The following CYTH4 variants were observed in gnomAD, a reference collection of about 807,000 sequenced individuals.
The protein encoded by CYTH4 is cytohesin 4.
A neutral mutation model predicts 57.5 loss-of-function variants in CYTH4; 22 were observed. That is an observed-to-expected ratio of 0.38 (90% CI 0.27 to 0.55). The LOEUF is 0.55. Ranked by LOEUF, CYTH4 falls within the 20% of genes least tolerant of loss-of-function variation. The pLI is 0.74. For synonymous variants in CYTH4, 186 were observed against 206.5 expected (o/e 0.90, Z 0.85); for missense variants, 420 against 535.6 (o/e 0.78, Z 2.13).
rs1929734461 is a variant in CYTH4 at position 37,313,647 on chromosome 22, C to G, written c.*136C>G. On this transcript the variant is annotated 3_prime_UTR_variant, in exon 13 of 13. Transcript: ENST00000248901. ...GCTGTTCCCCGTTACCTCGAGCTGACTCTAGAGGGGAAGGCAGAGCTCAGG... is the reference window on the plus strand; with the variant it reads ...GCTGTTCCCCGTTACCTCGAGCTGAGTCTAGAGGGGAAGGCAGAGCTCAGG... 2 of 803,942 alleles carry G rather than the reference C, an allele frequency of 2.5e-6. No homozygotes were observed. The highest frequency in any genetic ancestry group is 4.4e-5 in the Admixed American group (2 of 45,220). The allele number at this position is 803,942 out of a possible 1,614,324, so 49.8% of individuals were successfully genotyped here.
At position 37,293,716 on chromosome 22, in the gene CYTH4, G is replaced by A. The variant is rs183706115; in HGVS notation, c.103-944G>A. On this transcript the variant is annotated intron_variant, in intron 2 of 12. Transcript: ENST00000248901. ...GGGCTGGGTGCCTAATGGGGGTGCC[G>A]GCCAGAGGCTCATGCTGGTGTCCTT... Among the ~76,000 whole-genome samples, 15 of 152,218 alleles carry A rather than the reference G, an allele frequency of 9.9e-5. 1 individual carries two copies. Among genetic ancestry groups the A allele is most frequent in the Admixed American group, 7.8e-4 (12 of 15,302 alleles).
intron 1 of CYTH4, among the ~76,000 whole-genome samples, chr22:37,289,178 C>A (rs1465200789): frequency 6.6e-6 from 1 of 152,212 alleles, no homozygotes; most frequent in Non-Finnish European, 1.5e-5. Context: ...ACATTCCGCT[C>A]CCACGGGGTC....
At position 37,311,965 on chromosome 22, in the gene CYTH4, G is replaced by A. The variant is rs2145872778; in HGVS notation, c.958-55G>A. The A allele has an allele frequency of 2.5e-6, 4 of 1,590,478 alleles. No homozygotes were observed. In the East Asian group the frequency reaches 9.0e-5, roughly 36 times the overall value. ...CGTCTGGGCTTCTCTGAGCCTCCTG[G>A]AGGGCCCACCCAGCCTCCCTCTCTT... On this transcript the variant is annotated intron_variant, in intron 11 of 12. Transcript: ENST00000248901. The surrounding 1 kb of genome is among the most constrained non-coding windows in gnomAD (Gnocchi z 4.4).
Position 37,315,111 on chromosome 22 carries a change from T to C in CYTH4, c.*1600T>C, listed in dbSNP as rs1217860386. ...ACTAGGCCCTGCCTCTGTCACCTCA[T>C]TGGTCCATGAAGGAGCAGCCAGGGG... On this transcript the variant is annotated 3_prime_UTR_variant, in exon 13 of 13. Transcript: ENST00000248901. 1 of 152,270 alleles carries C rather than the reference T, an allele frequency of 6.6e-6. No homozygotes were observed. Among genetic ancestry groups the C allele is most frequent in the Non-Finnish European group, 1.5e-5 (1 of 68,096 alleles). 9.4% of individuals were successfully genotyped at this position (152,270 alleles called of 1,614,324 possible).
At chr22:37,303,545 T>C in intron 8 of CYTH4, 143 bp downstream of exon 8, 3 of 1,239,272 alleles carry the variant, frequency 2.4e-6, no homozygotes, top group Non-Finnish European at 3.2e-6. Flanking sequence ...AGGCTGTGAC[T>C]GTCTTGAGAG....
chr22:37,295,976 A>G lies in CYTH4; in HGVS notation c.168-23A>G. The G allele has an allele frequency of 6.2e-7, 1 of 1,608,830 alleles. No homozygotes were observed. Among genetic ancestry groups the G allele is most frequent in the Non-Finnish European group, 8.5e-7 (1 of 1,177,246 alleles). On this transcript the variant is annotated intron_variant, in intron 3 of 12. Coordinates refer to ENST00000248901, the MANE Select transcript of CYTH4 (RefSeq NM_013385.5). This position sits in a 1 kb window ranked among gnomAD's most constrained non-coding sequence, Gnocchi z 4.1. The stretch of plus-strand genomic sequence containing the variant: ...TAATTCAGGGTCCTGGGGCAGCCCA[A>G]GCTGACGTCCTCATGTCCACAGCCG...
chr22:37,305,788 T>C (rs1268328869), intron 8 of CYTH4, among the ~76,000 whole-genome samples: 1 of 152,128 alleles, frequency 6.6e-6, no homozygotes, highest in Non-Finnish European at 1.5e-5. Flanking sequence ...ATTTGCAAAA[T>C]TAAGTCTACA....
chr22:37,304,311 G>A, intron 8 of CYTH4: 1 of 456,194 alleles, frequency 2.2e-6, no homozygotes, highest in South Asian at 1.5e-5. Flanking sequence ...CACAGTAGTG[G>A]GTGACAGGGT....
rs890959755 is a variant in CYTH4, at chr22:37,314,681, C to G, written c.*1170C>G. 2 of 358,500 alleles carry G rather than the reference C, an allele frequency of 5.6e-6. No individual in the cohort carries two copies. Among genetic ancestry groups the G allele is most frequent in the Admixed American group, 9.3e-5 (2 of 21,426 alleles). The allele number at this position is 358,500 out of a possible 1,614,324, so 22.2% of individuals were successfully genotyped here. A position where few individuals can be genotyped will look rare whatever the true frequency, so the allele number is the denominator to read the frequency against. On this transcript the variant is annotated 3_prime_UTR_variant, in exon 13 of 13. Coordinates refer to ENST00000248901, the MANE Select transcript of CYTH4 (RefSeq NM_013385.5). ...AGTACCCGGGCAGCCAGCTCTGTCT[C>G]CAGGGAGGCCTGGCCTGGAGGAGGA... is the stretch of plus-strand genomic sequence containing the variant.
At chr22:37,304,235 A>G (rs755549614) in intron 8 of CYTH4, 3 of 456,756 alleles carry the variant, frequency 6.6e-6, no homozygotes, top group Non-Finnish European at 1.3e-5. Flanking sequence ...AGAAGTGGCC[A>G]GAACGGAGGC....
rs1929545490 is a variant in CYTH4, at chr22:37,309,240, C to A, written c.725C>A (p.Pro242Gln). The change falls in exon 9 of 13, where the codon CCA becomes CAA. Residue 242 changes from proline (P) to glutamine (Q), a missense_variant. Coordinates refer to ENST00000248901, the MANE Select transcript of CYTH4 (RefSeq NM_013385.5). ...RNLFDSIKSE[P>Q]FSIPEDDGND... ...CTCTTCGACAGCATCAAGAGTGAGC[C>A]ATTCTCCATCCCTGAGGACGACGGC... 1.2e-6 allele frequency: 2 copies of A among 1,614,110 alleles called. No homozygotes were observed. Among genetic ancestry groups the A allele is most frequent in the Non-Finnish European group, 1.7e-6 (2 of 1,179,970 alleles).
At position 37,314,875 on chromosome 22, in the gene CYTH4, A is replaced by T. The variant is rs1929800758; in HGVS notation, c.*1364A>T. On this transcript the variant is annotated 3_prime_UTR_variant, in exon 13 of 13. Coordinates refer to ENST00000248901, the MANE Select transcript of CYTH4 (RefSeq NM_013385.5). Reference sequence around the variant, plus strand: ...CAGAAGGAACCGCAGCTCGCGAGGCACCTCTCCTCGTCCCCACCCACCCCC... The same window carrying T: ...CAGAAGGAACCGCAGCTCGCGAGGCTCCTCTCCTCGTCCCCACCCACCCCC... The T allele has an allele frequency of 6.5e-6, 1 of 154,822 alleles. No individual in the cohort carries two copies. Among genetic ancestry groups the T allele is most frequent in the Non-Finnish European group, 1.4e-5 (1 of 69,994 alleles). The allele number at this position is 154,822 out of a possible 1,614,324, so 9.6% of individuals were successfully genotyped here.
intron 8 of CYTH4, among the ~76,000 whole-genome samples, chr22:37,307,186 G>T (rs1394499490): frequency 6.6e-6 from 1 of 152,234 alleles, no homozygotes; most frequent in African/African-American, 2.4e-5. Context: ...TTTTCTTGCA[G>T]GAGAGGCTGG....
chr22:37,293,097 A>T (rs1194507948), intron 2 of CYTH4, among the ~76,000 whole-genome samples: 2 of 152,064 alleles, frequency 1.3e-5, no homozygotes, highest in Non-Finnish European at 2.9e-5. Flanking sequence ...CACCAATCAG[A>T]CTCAGACGTC....
Position 37,314,715 on chromosome 22 carries a change from A to G in CYTH4, c.*1204A>G. On this transcript the variant is annotated 3_prime_UTR_variant, in exon 13 of 13. Coordinates refer to ENST00000248901, the MANE Select transcript of CYTH4 (RefSeq NM_013385.5). ...CCTGGCCTGGAGGAGGAGTCCACTA[A>G]CAGGAAACACTTCTCACCCCCTCAC... The G allele has an allele frequency of 3.3e-6, 1 of 303,228 alleles. No homozygotes were observed. Among genetic ancestry groups the G allele is most frequent in the Non-Finnish European group, 6.0e-6 (1 of 165,632 alleles). The allele number at this position is 303,228 out of a possible 1,614,324, so 18.8% of individuals were successfully genotyped here. A position where few individuals can be genotyped will look rare whatever the true frequency, so the allele number is the denominator to read the frequency against.
chr22:37,286,113 G>C (rs989360247), intron 1 of CYTH4, among the ~76,000 whole-genome samples: 2 of 152,320 alleles, frequency 1.3e-5, no homozygotes, highest in East Asian at 1.9e-4. Context: ...GGTTGGGTGG[G>C]GGCAACTGCA....
intron 12 of CYTH4, 45 bp from the exon 13 acceptor site, chr22:37,313,394 T>C (rs1929722083): frequency 6.3e-7 from 1 of 1,593,292 alleles, no homozygotes; most frequent in Non-Finnish European, 8.6e-7. Flanking sequence ...CAGACCACCT[T>C]GACGGCCAGT....
At chr22:37,299,157 C>G in intron 5 of CYTH4, 69 bp from the exon 6 acceptor site, 1 of 1,205,804 alleles carries the variant, frequency 8.3e-7, no homozygotes, top group South Asian at 1.3e-5. Context: ...CCACCTCAAC[C>G]CCCTCCAGGA....
chr22:37,292,771 C>A, intron 2 of CYTH4, 68 bp downstream of exon 2: 1 of 1,512,056 alleles, frequency 6.6e-7, no homozygotes, highest in Non-Finnish European at 9.1e-7. Context: ...CGCACCCCAC[C>A]AGCTCCTGAC....
Sources: gnomAD v4.1 joint callset for allele counts (sites outside exome capture counted in the v4.1 genomes callset) on GRCh38, gnomAD v4.1.1 for gene constraint, Gnocchi (gnomAD v3.1) non-coding constraint, MANE v1.5 for transcripts, NCBI Gene and HGNC (gene_info 2026-07-23, HGNC 2026-07-21) for gene names.